The following SYT9 variants were observed in gnomAD, a reference collection of about 807,000 sequenced individuals.
SYT9 encodes synaptotagmin-9.
SYT9 carries 22 observed loss-of-function variants against 48.4 expected under a neutral mutation model. The observed-to-expected ratio is 0.45, with a 90% CI of 0.32 to 0.65. SYT9 has a LOEUF of 0.65. Ranked by LOEUF, SYT9 falls within the 30% of genes least tolerant of loss-of-function variation. The pLI, the probability that SYT9 is intolerant of heterozygous loss-of-function variation, is 0.03. For synonymous variants in SYT9, 265 were observed against 245.0 expected, an observed-to-expected ratio of 1.08 and a Z score of -0.76; for missense variants, 577 against 622.0, an observed-to-expected ratio of 0.93 and a Z score of 0.77.
intron 1 of SYT9, among the ~76,000 whole-genome samples, chr11:7,288,536 G>A (rs1297573420): frequency 6.6e-6 from 1 of 152,198 alleles, no homozygotes; most frequent in Non-Finnish European, 1.5e-5. Context: ...CCACAGATAG[G>A]AAGGACCTCT....
At chr11:7,455,687 T>C (rs1295804979) in intron 6 of SYT9, among the ~76,000 whole-genome samples, 1 of 152,160 alleles carries the variant, frequency 6.6e-6, no homozygotes, top group Non-Finnish European at 1.5e-5. Flanking sequence ...AAAACACATC[T>C]GTAAATCACC....
At chr11:7,423,520 T>G (rs913621060) in intron 6 of SYT9, among the ~76,000 whole-genome samples, 1 of 152,210 alleles carries the variant, frequency 6.6e-6, no homozygotes, top group Non-Finnish European at 1.5e-5. Context: ...ATAACAGTGC[T>G]TGTCTCACAA....
chr11:7,417,455 G>A (rs560865812), intron 4 of SYT9, among the ~76,000 whole-genome samples: 9 of 152,118 alleles, frequency 5.9e-5, no homozygotes, highest in African/African-American at 1.7e-4. Context: ...GCAACCCAAG[G>A]GCAGGCCACT....
chr11:7,310,743 G>C (rs1025294776), intron 2 of SYT9, among the ~76,000 whole-genome samples: 1 of 152,106 alleles, frequency 6.6e-6, no homozygotes. Flanking sequence ...ACTGCACCCG[G>C]CTTGTGATTG....
intron 3 of SYT9, among the ~76,000 whole-genome samples, chr11:7,413,205 C>T (rs1484449734): frequency 1.3e-5 from 2 of 152,164 alleles, no homozygotes; most frequent in African/African-American, 2.4e-5. Context: ...GCCTCAGTCC[C>T]CCAGCAGCTT....
At chr11:7,445,463 C>G (rs1384034147) in intron 6 of SYT9, among the ~76,000 whole-genome samples, 1 of 152,046 alleles carries the variant, frequency 6.6e-6, no homozygotes, top group Non-Finnish European at 1.5e-5. Context: ...GACTGCAGTC[C>G]CCCTCTGTAC....
chr11:7,258,769 G>T (rs917420847), intron 1 of SYT9, among the ~76,000 whole-genome samples: 1 of 152,040 alleles, frequency 6.6e-6, no homozygotes, highest in African/African-American at 2.4e-5. Flanking sequence ...AATTGATGTT[G>T]TTGGTAGTAT....
intron 2 of SYT9, among the ~76,000 whole-genome samples, chr11:7,305,048 T>C (rs538469565): frequency 3.3e-5 from 5 of 152,146 alleles, no homozygotes; most frequent in African/African-American, 9.7e-5. Context: ...ACTATAATTA[T>C]CACAATATTT....
intron 3 of SYT9, among the ~76,000 whole-genome samples, chr11:7,372,470 C>T (rs1850380042): frequency 1.3e-5 from 2 of 152,054 alleles, no homozygotes; most frequent in African/African-American, 4.8e-5. Flanking sequence ...GCACCACAAT[C>T]CTTAGCTAAT....
Position 7,252,849 on chromosome 11 carries a change from A to T in SYT9, c.145+518A>T, listed in dbSNP as rs1448493064. Among the ~76,000 whole-genome samples, 1 of 152,198 alleles carries T rather than the reference A, an allele frequency of 6.6e-6. No individual in the cohort carries two copies. The highest frequency in any genetic ancestry group is 6.5e-5 in the Admixed American group (1 of 15,294). ...TATGGGGTGAGAAGGGCGGGACGCGATCCGGCGTTGGGCCGGGGACAGGGT... is the reference window on the plus strand; with the variant it reads ...TATGGGGTGAGAAGGGCGGGACGCGTTCCGGCGTTGGGCCGGGGACAGGGT... On this transcript the variant is annotated intron_variant, in intron 1 of 6. Coordinates refer to ENST00000318881, the MANE Select transcript of SYT9 (RefSeq NM_175733.4). This position sits in a 1 kb window ranked among gnomAD's most constrained non-coding sequence, Gnocchi z 6.3.
chr11:7,266,046 C>T lies in SYT9; in HGVS notation c.145+13715C>T, dbSNP rs183692809. 3.9e-5 allele frequency among the ~76,000 whole-genome samples: 6 copies of T among 152,234 alleles called. No individual in the cohort carries two copies. In the East Asian group the frequency reaches 1.2e-3, roughly 29 times the overall value. ...GAATGAGGAGGCCACATTAGAATCA[C>T]TTTTAACTTGGGATTCAGAGGATCC... On this transcript the variant is annotated intron_variant, in intron 1 of 6. Coordinates refer to ENST00000318881, the MANE Select transcript of SYT9 (RefSeq NM_175733.4).
chr11:7,358,093 T>A (rs945307146), intron 3 of SYT9, among the ~76,000 whole-genome samples: 4 of 152,008 alleles, frequency 2.6e-5, no homozygotes, highest in African/African-American at 7.3e-5. Context: ...ACAAAAAATA[T>A]ACATGTTAAG....
At chr11:7,334,306 T>C (rs1055373695) in intron 3 of SYT9, among the ~76,000 whole-genome samples, 1 of 152,126 alleles carries the variant, frequency 6.6e-6, no homozygotes, top group Non-Finnish European at 1.5e-5. Flanking sequence ...AATTGACACA[T>C]AGAAATTTAC....
At chr11:7,389,497 T>C (rs148230132) in intron 3 of SYT9, among the ~76,000 whole-genome samples, 4 of 151,930 alleles carry the variant, frequency 2.6e-5, no homozygotes, top group Non-Finnish European at 5.9e-5. Flanking sequence ...AAAATGAGAG[T>C]AGATGAACTA....
At chr11:7,394,553 T>C (rs1190389968) in intron 3 of SYT9, among the ~76,000 whole-genome samples, 2 of 152,270 alleles carry the variant, frequency 1.3e-5, no homozygotes, top group East Asian at 3.9e-4. Flanking sequence ...TTGATTGTGC[T>C]TGTTTAGATC....
At chr11:7,325,794 C>T (rs1318231865) in intron 3 of SYT9, among the ~76,000 whole-genome samples, 3 of 41,242 alleles carry the variant, frequency 7.3e-5, no homozygotes, top group Non-Finnish European at 4.1e-5. Context: ...CCCATCAATA[C>T]CTAATTTATT....
At chr11:7,288,173 A>C (rs1414918665) in intron 1 of SYT9, among the ~76,000 whole-genome samples, 2 of 151,776 alleles carry the variant, frequency 1.3e-5, no homozygotes, top group African/African-American at 2.4e-5. Flanking sequence ...GGGACCCCAG[A>C]CTCTTGAGGT....
chr11:7,249,241 C>G (rs985419957), upstream of SYT9, among the ~76,000 whole-genome samples: 6 of 152,218 alleles, frequency 3.9e-5, no homozygotes, highest in Non-Finnish European at 8.8e-5. Flanking sequence ...CACATTGTTT[C>G]TCATTCTTCT....
At chr11:7,261,535 A>G (rs78659681) in intron 1 of SYT9, among the ~76,000 whole-genome samples, 1,953 of 152,264 alleles carry the variant, frequency 0.013, 34 homozygotes, top group African/African-American at 0.045. Context: ...TTTTGGGAAA[A>G]TGATAATAGG....
Sources: allele counts gnomAD v4.1 joint callset (sites outside exome capture counted in the v4.1 genomes callset), GRCh38; gene constraint gnomAD v4.1.1; non-coding constraint Gnocchi (gnomAD v3.1); transcripts MANE v1.5; gene names NCBI Gene and HGNC (gene_info 2026-07-23, HGNC 2026-07-21).